SLC33A1: variants seen among roughly 807,000 people sequenced by gnomAD.
The protein encoded by SLC33A1 is acetyl-coenzyme A transporter 1.
SLC33A1 carries 20 observed loss-of-function variants against 50.0 expected under a neutral mutation model. The observed-to-expected ratio is 0.40, with a 90% CI of 0.28 to 0.58. The LOEUF is 0.58. Among genes scored for constraint, SLC33A1 ranks in the 20% least tolerant of loss-of-function variants. The pLI is 0.44. For synonymous variants in SLC33A1, 265 were observed against 251.8 expected (o/e 1.05, Z -0.50); for missense variants, 476 against 657.0 (o/e 0.72, Z 3.01).
chr3:155,840,353 G>T (rs1752880275), intron 2 of SLC33A1, among the ~76,000 whole-genome samples: 1 of 151,868 alleles, frequency 6.6e-6, no homozygotes, highest in African/African-American at 2.4e-5. Context: ...CTCCCAAAGT[G>T]CTGGGATTAA....
chr3:155,833,401 G>T, intron 4 of SLC33A1, 67 bp downstream of exon 4: 1 of 821,342 alleles, frequency 1.2e-6, no homozygotes, highest in South Asian at 1.4e-5. Flanking sequence ...TAAGACAACT[G>T]TAGAAAGCTG....
In SLC33A1 at chr3:155,833,453, C is replaced by T; in HGVS notation, c.1266+15G>A. 1 of 1,181,636 alleles carries T rather than the reference C, an allele frequency of 8.5e-7. No individual in the cohort carries two copies. The highest frequency in any genetic ancestry group is 1.7e-5 in the Admixed American group (1 of 59,498). The allele number at this position is 1,181,636 out of a possible 1,614,324, so 73.2% of individuals were successfully genotyped here. A position where few individuals can be genotyped will look rare whatever the true frequency, so the allele number is the denominator to read the frequency against. On this transcript the variant is annotated intron_variant, in intron 4 of 5. Coordinates refer to ENST00000643144, the MANE Select transcript of SLC33A1 (RefSeq NM_004733.4). ...CAGAACAGTTTATTTCCTGAGAAAA[C>T]CACTGCAAGCTTACCTGATGTAAAG...
chr3:155,849,895 G>A (rs576542774), intron 1 of SLC33A1, among the ~76,000 whole-genome samples: 16 of 139,232 alleles, frequency 1.1e-4, no homozygotes, highest in Admixed American at 3.0e-4. Flanking sequence ...GCGACAGAGC[G>A]AGACTCCATC....
In SLC33A1 at chr3:155,853,821, G is replaced by A. The variant is rs139129650; in HGVS notation, c.177C>T (p.Gly59=). Residue 59 remains glycine, a synonymous_variant, in exon 1 of 6, where the codon GGC becomes GGT. Coordinates refer to ENST00000643144, the MANE Select transcript of SLC33A1 (RefSeq NM_004733.4). ...AGCTCTGTGGGGCTTTTAAGAAGTC[G>A]CCAGTGCCGGTATCCCCCAGAAGAG... ...REALLGDTGT[G]DFLKAPQSFR... The A allele has an allele frequency of 2.0e-4, 316 of 1,610,200 alleles. 1 individual carries two copies. The highest frequency in any genetic ancestry group is 3.2e-4 in the Admixed American group (19 of 59,660).
At chr3:155,845,671 C>A (rs1482532999) in intron 1 of SLC33A1, among the ~76,000 whole-genome samples, 1 of 152,124 alleles carries the variant, frequency 6.6e-6, no homozygotes, top group Non-Finnish European at 1.5e-5. Context: ...TTTATGAACA[C>A]AATTATCACA....
intron 1 of SLC33A1, among the ~76,000 whole-genome samples, chr3:155,852,761 C>T (rs1262562961): frequency 6.6e-6 from 1 of 152,156 alleles, no homozygotes; most frequent in Non-Finnish European, 1.5e-5. Flanking sequence ...GCCTTAGAAT[C>T]CCGTCCCTTA....
chr3:155,851,327 A>G (rs1753391991), intron 1 of SLC33A1, among the ~76,000 whole-genome samples: 1 of 151,950 alleles, frequency 6.6e-6, no homozygotes, highest in Admixed American at 6.6e-5. Flanking sequence ...CACTGAAGCC[A>G]CAATCTCCCG....
chr3:155,853,707 G>A lies in SLC33A1; in HGVS notation c.291C>T (p.Leu97=). ...AGCTAACATTTTTGCTTTGCAAAAT[G>A]AGTGGGATGCTTCCCGCCAAGCCCA... The part of the protein sequence containing the change: ...IPLGLAGSIP[L]ILQSKNVSYT... The change falls in exon 1 of 6, where the codon CTC becomes CTT. Residue 97 remains leucine, a synonymous_variant. Transcript: ENST00000643144. 6.2e-7 allele frequency: 1 copy of A among 1,614,160 alleles called. No homozygotes were observed. Among genetic ancestry groups the A allele is most frequent in the African/African-American group, 1.3e-5 (1 of 75,050 alleles).
At chr3:155,833,086 T>C (rs1180431969) in intron 4 of SLC33A1, among the ~76,000 whole-genome samples, 2 of 151,806 alleles carry the variant, frequency 1.3e-5, no homozygotes, top group Non-Finnish European at 2.9e-5. Context: ...CTATCTCTAC[T>C]AAAAATACAA....
At position 155,827,926 on chromosome 3, in the gene SLC33A1, A is replaced by G. The variant is rs1227435688; in HGVS notation, c.*284T>C. ...TGACTACTGCATTGCAGCTTAAAAC[A>G]TGCTTTGGTCAGTAAATTTAAAAGA... On this transcript the variant is annotated 3_prime_UTR_variant, in exon 6 of 6. Transcript: ENST00000643144. 3 of 341,688 alleles carry G rather than the reference A, an allele frequency of 8.8e-6. No individual in the cohort carries two copies. The highest frequency in any genetic ancestry group is 1.3e-4 in the East Asian group (2 of 14,988). 21.2% of individuals were successfully genotyped at this position (341,688 alleles called of 1,614,324 possible). A position where few individuals can be genotyped will look rare whatever the true frequency, so the allele number is the denominator to read the frequency against.
intron 4 of SLC33A1, among the ~76,000 whole-genome samples, chr3:155,831,433 G>A (rs1276424097): frequency 2.5e-5 from 3 of 121,616 alleles, no homozygotes; most frequent in Admixed American, 1.1e-4. Flanking sequence ...ACTCCAGCCT[G>A]GGCAACAGAG....
chr3:155,851,312 T>C (rs1753391157), intron 1 of SLC33A1, among the ~76,000 whole-genome samples: 1 of 152,002 alleles, frequency 6.6e-6, no homozygotes, highest in Non-Finnish European at 1.5e-5. Context: ...GATTGGATCA[T>C]AGCTCACTGA....
chr3:155,834,905 C>G, intron 2 of SLC33A1, among the ~76,000 whole-genome samples: 1 of 151,884 alleles, frequency 6.6e-6, no homozygotes, highest in Non-Finnish European at 1.5e-5. Flanking sequence ...CTGTATTCTT[C>G]AAAAATGTCA....
intron 5 of SLC33A1, 94 bp from the exon 6 acceptor site, chr3:155,828,471 AT>A (rs1439622491): frequency 1.3e-6 from 1 of 763,284 alleles, no homozygotes; most frequent in Non-Finnish European, 2.3e-6. Context: ...ATAAAAATAT[AT>A]TTTTCTTAAA....
rs775296603 is a variant in SLC33A1 at position 155,853,924 on chromosome 3, A to C, written c.74T>G (p.Met25Arg). The change falls in exon 1 of 6, where the codon ATG (methionine) becomes AGG (arginine). Residue 25 changes from methionine to arginine, a missense_variant. Transcript: ENST00000643144. The stretch of plus-strand genomic sequence containing the variant: ...GCCTGGCGGCAGGGGACCGCTCTTC[A>C]TATCCAGAGAGTGACTGAAATTCCC... ...RPGNFSHSLD[M>R]KSGPLPPGGW... 1.3e-6 allele frequency: 2 copies of C among 1,540,968 alleles called. No individual in the cohort carries two copies. Among genetic ancestry groups the C allele is most frequent in the Non-Finnish European group, 1.7e-6 (2 of 1,148,586 alleles).
intron 5 of SLC33A1, 76 bp downstream of exon 5, chr3:155,829,612 G>C: frequency 1.9e-6 from 2 of 1,039,366 alleles, no homozygotes; most frequent in Non-Finnish European, 3.0e-6. Flanking sequence ...AAAAGATATA[G>C]TACTTCTAGA....
chr3:155,833,334 C>T (rs1577459764), intron 4 of SLC33A1, 134 bp downstream of exon 4: 1 of 737,642 alleles, frequency 1.4e-6, no homozygotes, highest in Non-Finnish European at 2.5e-6. Context: ...GTTTAAAGCG[C>T]ACCATCAATA....
Position 155,829,750 on chromosome 3 carries a change from G to C in SLC33A1, c.1420C>G (p.Leu474Val). Residue 474 changes from leucine (L) to valine (V), a missense_variant, in exon 5 of 6, where the codon CTC (leucine) becomes GTC (valine). Physicochemically the swap from Leu to Val is conservative, Grantham distance 32 (BLOSUM62 1). Coordinates refer to ENST00000643144, the MANE Select transcript of SLC33A1 (RefSeq NM_004733.4). ...STVALWLVDPLTVKECVGASN... is the reference protein window; with the variant it reads ...STVALWLVDPVTVKECVGASN... ...GCTCCTACACACTCTTTTACTGTGAGGGGATCTACAAGCCAAAGAGCTACT... is the reference window on the plus strand; with the variant it reads ...GCTCCTACACACTCTTTTACTGTGACGGGATCTACAAGCCAAAGAGCTACT... 6.2e-7 allele frequency: 1 copy of C among 1,614,098 alleles called. No homozygotes were observed. The highest frequency in any genetic ancestry group is 8.5e-7 in the Non-Finnish European group (1 of 1,180,016).
chr3:155,841,437 T>C (rs1752933592), intron 2 of SLC33A1, among the ~76,000 whole-genome samples: 1 of 152,122 alleles, frequency 6.6e-6, no homozygotes, highest in East Asian at 1.9e-4. Context: ...TGTCAAAAGA[T>C]AGGTGCAAAG....
Sources: allele counts gnomAD v4.1 joint callset (sites outside exome capture counted in the v4.1 genomes callset), GRCh38; gene constraint gnomAD v4.1.1; transcripts MANE v1.5; gene names NCBI Gene and HGNC (gene_info 2026-07-23, HGNC 2026-07-21).